The following CDKAL1 variants were observed in gnomAD, a reference collection of about 807,000 sequenced individuals.
The protein encoded by CDKAL1 is threonylcarbamoyladenosine tRNA methylthiotransferase.
A neutral mutation model predicts 68.2 loss-of-function variants in CDKAL1; 32 were observed. The ratio of observed to expected loss-of-function variants is 0.47; its 90% CI spans 0.35 to 0.63. The LOEUF (loss-of-function observed/expected upper bound fraction) is 0.63, where lower values mean the gene tolerates loss of function less well. CDKAL1 is among the 30% of genes least tolerant of loss of function. CDKAL1 has a pLI of 0.00. For missense variants in CDKAL1, 606 were observed against 696.7 expected (o/e 0.87, Z 1.47); for synonymous variants, 234 against 244.3 (o/e 0.96, Z 0.39).
chr6:20,907,568 A>G (rs1299447214), intron 9 of CDKAL1, among the ~76,000 whole-genome samples: 4 of 152,238 alleles, frequency 2.6e-5, no homozygotes, highest in African/African-American at 9.6e-5. Context: ...TCCTCCAACA[A>G]TTGTGGACTA....
rs559257911 is a variant in CDKAL1 at position 20,876,398 on chromosome 6, C to A, written c.742+30220C>A. 5.7e-4 allele frequency among the ~76,000 whole-genome samples: 87 copies of A among 152,300 alleles called. 1 individual carries two copies. In the South Asian group the frequency reaches 0.017, roughly 29 times the overall value. On this transcript the variant is annotated intron_variant, in intron 9 of 15. Coordinates refer to ENST00000274695, the MANE Select transcript of CDKAL1 (RefSeq NM_017774.3). The stretch of plus-strand genomic sequence containing the variant: ...ACATGACAGGACATTCAGGGTGCCA[C>A]TACTGTTGAGTGTGGAGTCAGCCTT...
At chr6:20,828,251 CAG>C (rs1283779673) in intron 8 of CDKAL1, among the ~76,000 whole-genome samples, 1 of 151,942 alleles carries the variant, frequency 6.6e-6, no homozygotes, top group African/African-American at 2.4e-5. Context: ...TATTTTGAGA[CAG>C]AGTCTTGCTC....
At chr6:20,964,084 A>G (rs6940952) in intron 10 of CDKAL1, among the ~76,000 whole-genome samples, 14,670 of 152,212 alleles carry the variant, frequency 0.096, 791 homozygotes, top group Non-Finnish European at 0.12. Context: ...ATCATTAGAG[A>G]AATACAAATC....
intron 9 of CDKAL1, among the ~76,000 whole-genome samples, chr6:20,901,222 G>A (rs1257080628): frequency 6.6e-6 from 1 of 152,038 alleles, no homozygotes; most frequent in Non-Finnish European, 1.5e-5. Context: ...TGCGACTGTT[G>A]CCTCCATTTG....
chr6:20,885,931 A>T (rs1761045171), intron 9 of CDKAL1, among the ~76,000 whole-genome samples: 1 of 152,044 alleles, frequency 6.6e-6, no homozygotes, highest in Non-Finnish European at 1.5e-5. Context: ...AAAAATAAAA[A>T]AACAAAAATT....
At chr6:21,034,996 A>G (rs767148485) in intron 11 of CDKAL1, among the ~76,000 whole-genome samples, 20 of 152,300 alleles carry the variant, frequency 1.3e-4, no homozygotes, top group Non-Finnish European at 2.4e-4. Context: ...TTGTCTACAT[A>G]TCTCATGTGA....
intron 15 of CDKAL1, among the ~76,000 whole-genome samples, chr6:21,219,616 A>G (rs1582440322): frequency 6.6e-6 from 1 of 152,212 alleles, no homozygotes; most frequent in Non-Finnish European, 1.5e-5. Flanking sequence ...AGAGAAAAGC[A>G]CCTGCCGTCT....
At chr6:21,047,745 A>G (rs550956767) in intron 11 of CDKAL1, among the ~76,000 whole-genome samples, 15 of 152,348 alleles carry the variant, frequency 9.8e-5, no homozygotes, top group African/African-American at 3.6e-4. Flanking sequence ...GGGACATCAT[A>G]GAGGTACAAA....
intron 9 of CDKAL1, among the ~76,000 whole-genome samples, chr6:20,864,851 AT>A (rs1374037725): frequency 6.6e-6 from 1 of 152,180 alleles, no homozygotes; most frequent in Non-Finnish European, 1.5e-5. Context: ...GCTGCATGAT[AT>A]TTATTATATC....
chr6:20,550,122 G>A (rs1004718650), intron 4 of CDKAL1, among the ~76,000 whole-genome samples: 5 of 152,112 alleles, frequency 3.3e-5, no homozygotes, highest in African/African-American at 1.2e-4. Flanking sequence ...GGGATTACAG[G>A]CATGCGCCAC....
At chr6:21,229,574 C>A (rs538414857) in intron 15 of CDKAL1, among the ~76,000 whole-genome samples, 4 of 152,324 alleles carry the variant, frequency 2.6e-5, no homozygotes, top group Non-Finnish European at 1.5e-5. Context: ...GAAGACTGAG[C>A]AAAGTACCAT....
rs376125005 is a variant in CDKAL1, at chr6:20,547,103, C to T, written c.173+580C>T. Among the ~76,000 whole-genome samples, 22 of 152,166 alleles carry T rather than the reference C, an allele frequency of 1.4e-4. No homozygotes were observed. In the South Asian group the frequency reaches 4.4e-3, roughly 30 times the overall value. On this transcript the variant is annotated intron_variant, in intron 3 of 15. Coordinates refer to ENST00000274695, the MANE Select transcript of CDKAL1 (RefSeq NM_017774.3). ...ACATCTGAAATGCTCCAGTGAGCAT[C>T]CTTTGAGTATCATTTTGGCACTCAA...
intron 9 of CDKAL1, among the ~76,000 whole-genome samples, chr6:20,887,977 CT>C (rs1160041374): frequency 1.3e-5 from 2 of 150,736 alleles, no homozygotes; most frequent in African/African-American, 4.9e-5. Flanking sequence ...AACATAATTT[CT>C]TTTTTTTTAA....
At chr6:20,842,864 C>A (rs1032360793) in intron 8 of CDKAL1, among the ~76,000 whole-genome samples, 2 of 152,106 alleles carry the variant, frequency 1.3e-5, no homozygotes, top group African/African-American at 4.8e-5. Flanking sequence ...AAAAAATTAT[C>A]ATGTCAACAA....
chr6:21,089,234 G>A (rs797009400), intron 12 of CDKAL1, among the ~76,000 whole-genome samples: 25 of 152,104 alleles, frequency 1.6e-4, no homozygotes, highest in African/African-American at 4.8e-4. Context: ...CCAGCACTTC[G>A]GGAGGCTGAG....
At chr6:20,605,810 G>A (rs914172664) in intron 4 of CDKAL1, among the ~76,000 whole-genome samples, 1 of 152,136 alleles carries the variant, frequency 6.6e-6, no homozygotes, top group Non-Finnish European at 1.5e-5. Flanking sequence ...AGCTCTGGGC[G>A]CCGTTACTCC....
chr6:21,213,356 GC>G (rs1363462433), intron 15 of CDKAL1, among the ~76,000 whole-genome samples: 1 of 152,136 alleles, frequency 6.6e-6, no homozygotes, highest in African/African-American at 2.4e-5. Flanking sequence ...TTTACTTGGG[GC>G]CTGGTTGATC....
At chr6:20,603,498 T>C (rs1766194697) in intron 4 of CDKAL1, among the ~76,000 whole-genome samples, 1 of 152,172 alleles carries the variant, frequency 6.6e-6, no homozygotes, top group African/African-American at 2.4e-5. Context: ...TCCATGTGTA[T>C]GGTCTCCTGG....
chr6:20,539,382 T>G lies in CDKAL1; in HGVS notation c.-6+3988T>G, dbSNP rs558366443. ...CGAAAACCTTTACCCTCACGAAGTATGTATTCTAGTAAGATAAACAGTTAA... is the reference window on the plus strand; with the variant it reads ...CGAAAACCTTTACCCTCACGAAGTAGGTATTCTAGTAAGATAAACAGTTAA... On this transcript the variant is annotated intron_variant, in intron 2 of 15. Transcript: ENST00000274695. This position sits in a 1 kb window ranked among gnomAD's most constrained non-coding sequence, Gnocchi z 4.3. Among the ~76,000 whole-genome samples, 6 of 152,330 alleles carry G rather than the reference T, an allele frequency of 3.9e-5. No homozygotes were observed. The South Asian group carries it at 1.2e-3, about 32-fold the overall frequency.
Sources: gnomAD v4.1 joint callset for allele counts (sites outside exome capture counted in the v4.1 genomes callset) on GRCh38, gnomAD v4.1.1 for gene constraint, Gnocchi (gnomAD v3.1) non-coding constraint, MANE v1.5 for transcripts, NCBI Gene and HGNC (gene_info 2026-07-23, HGNC 2026-07-21) for gene names.